TRAF3: variants seen among roughly 807,000 people sequenced by gnomAD.
The protein encoded by TRAF3 is TNF receptor associated factor 3, also known as TNF receptor-associated factor 3.
A neutral mutation model predicts 62.3 loss-of-function variants in TRAF3; 13 were observed. The observed-to-expected ratio is 0.21, with a 90% CI of 0.14 to 0.33. TRAF3 has a LOEUF of 0.33. TRAF3 is among the 10% of genes least tolerant of loss of function. The pLI is 1.00. For missense variants in TRAF3, 440 were observed against 741.8 expected (o/e 0.59, Z 4.73); for synonymous variants, 269 against 283.4 (o/e 0.95, Z 0.51).
chr14:102,899,532 G>A (rs540244731), intron 10 of TRAF3, among the ~76,000 whole-genome samples: 4 of 152,170 alleles, frequency 2.6e-5, no homozygotes, highest in South Asian at 2.1e-4. Context: ...AAGTGGACCC[G>A]CTCATTGTTC....
intron 10 of TRAF3, among the ~76,000 whole-genome samples, chr14:102,900,180 GAAAAAAA>G (rs56203426): frequency 9.8e-5 from 9 of 91,444 alleles, no homozygotes; most frequent in Non-Finnish European, 1.5e-4. Context: ...CTCCGTCTCG[GAAAAAAA>G]AAAAAAAAAA....
intron 9 of TRAF3, 99 bp from the exon 10 acceptor site, chr14:102,897,162 G>T: frequency 9.1e-7 from 1 of 1,099,572 alleles, no homozygotes; most frequent in East Asian, 2.6e-5. Context: ...CTGTCAATAA[G>T]CTAACAGAAG....
chr14:102,828,238 G>A (rs939744579), intron 1 of TRAF3, among the ~76,000 whole-genome samples: 4 of 152,196 alleles, frequency 2.6e-5, no homozygotes, highest in African/African-American at 9.7e-5. Context: ...TCTCTCCAGC[G>A]CTTTTGCTTC....
intron 1 of TRAF3, among the ~76,000 whole-genome samples, chr14:102,810,372 C>G (rs1292915431): frequency 1.3e-5 from 2 of 152,124 alleles, no homozygotes; most frequent in African/African-American, 4.8e-5. Flanking sequence ...ATCATGGCCC[C>G]TTTTACAAGT....
rs1002061951 is a variant in TRAF3, at chr14:102,826,952, A to G, written c.-156-3382A>G. Among the ~76,000 whole-genome samples, 1 of 152,172 alleles carries G rather than the reference A, an allele frequency of 6.6e-6. No individual in the cohort carries two copies. The highest frequency in any genetic ancestry group is 1.5e-5 in the Non-Finnish European group (1 of 68,034). On this transcript the variant is annotated intron_variant, in intron 1 of 11. Coordinates refer to ENST00000392745, the MANE Select transcript of TRAF3 (RefSeq NM_145725.3). The surrounding 1 kb of genome is among the most constrained non-coding windows in gnomAD (Gnocchi z 4.6). ...CAAATGGAGGCCTCAGGTCCCAGACATAGGCTCTGTCAGTGGTGGTGGCGG... is the reference window on the plus strand; with the variant it reads ...CAAATGGAGGCCTCAGGTCCCAGACGTAGGCTCTGTCAGTGGTGGTGGCGG...
chr14:102,798,226 CT>C (rs77441587), intron 1 of TRAF3, among the ~76,000 whole-genome samples: 301 of 144,044 alleles, frequency 2.1e-3, no homozygotes, highest in Non-Finnish European at 2.3e-3. Context: ...TCAGAAAACC[CT>C]TTTTTTTTTT....
intron 7 of TRAF3, among the ~76,000 whole-genome samples, chr14:102,886,773 A>AAAACT (rs1344793871): frequency 2.6e-5 from 4 of 152,212 alleles, no homozygotes; most frequent in Admixed American, 1.3e-4. Flanking sequence ...AAAACAAAAC[A>AAAACT]AAACTACACT....
At chr14:102,873,589 G>A (rs74082938) in intron 4 of TRAF3, among the ~76,000 whole-genome samples, 2,200 of 152,304 alleles carry the variant, frequency 0.014, 33 homozygotes, top group African/African-American at 0.031. Flanking sequence ...CCCTCATGGA[G>A]AGAATGGAGC....
chr14:102,863,543 A>G (rs1174509783), intron 2 of TRAF3, among the ~76,000 whole-genome samples: 1 of 152,212 alleles, frequency 6.6e-6, no homozygotes, highest in East Asian at 1.9e-4. Flanking sequence ...CAGATCCTGA[A>G]GGTCAGCCAG....
At chr14:102,898,860 A>G (rs184096732) in intron 10 of TRAF3, among the ~76,000 whole-genome samples, 1 of 152,342 alleles carries the variant, frequency 6.6e-6, no homozygotes, top group Admixed American at 6.5e-5. Flanking sequence ...CCAATGAAGC[A>G]TAAGTCAGAA....
At chr14:102,778,289 C>T (rs1207344808) in intron 1 of TRAF3, among the ~76,000 whole-genome samples, 1 of 151,846 alleles carries the variant, frequency 6.6e-6, no homozygotes, top group Non-Finnish European at 1.5e-5. Context: ...GCGGGCTCTG[C>T]GTCTTCCCCG....
intron 7 of TRAF3, among the ~76,000 whole-genome samples, chr14:102,888,079 T>C (rs1185748786): frequency 1.3e-5 from 2 of 152,192 alleles, no homozygotes; most frequent in Non-Finnish European, 2.9e-5. Context: ...TCTAGTACAC[T>C]GAAAATAACA....
At chr14:102,784,119 A>G (rs1475009334) in intron 1 of TRAF3, among the ~76,000 whole-genome samples, 1 of 151,970 alleles carries the variant, frequency 6.6e-6, no homozygotes, top group African/African-American at 2.4e-5. Flanking sequence ...AATTCTCCCA[A>G]GGCAAATAAT....
At chr14:102,805,752 C>T (rs1188479089) in intron 1 of TRAF3, among the ~76,000 whole-genome samples, 1 of 152,126 alleles carries the variant, frequency 6.6e-6, no homozygotes, top group Non-Finnish European at 1.5e-5. Flanking sequence ...GCAGTCCTTC[C>T]GAAGATTGTC....
At chr14:102,825,607 C>T (rs1049012072) in intron 1 of TRAF3, among the ~76,000 whole-genome samples, 2 of 152,246 alleles carry the variant, frequency 1.3e-5, no homozygotes, top group East Asian at 1.9e-4. Flanking sequence ...ACTCAGGCTA[C>T]GCTTGGGCTT....
Position 102,857,814 on chromosome 14 carries a change from C to T in TRAF3, c.-17-12371C>T, listed in dbSNP as rs141430283. ...TAGTTTCTCTAATTGTGTCCTGTTG[C>T]AAAAGAAAACAGATTCTTATTGCAC... On this transcript the variant is annotated intron_variant, in intron 2 of 11. Coordinates refer to ENST00000392745, the MANE Select transcript of TRAF3 (RefSeq NM_145725.3). 3.6e-3 allele frequency among the ~76,000 whole-genome samples: 552 copies of T among 152,266 alleles called. 7 individuals are homozygous for T. The highest frequency in any genetic ancestry group is 0.013 in the African/African-American group (520 of 41,554).
At chr14:102,894,810 C>CAGTAGCTGGG (rs1889915171) in intron 9 of TRAF3, among the ~76,000 whole-genome samples, 1 of 152,234 alleles carries the variant, frequency 6.6e-6, no homozygotes, top group African/African-American at 2.4e-5. Context: ...CAAGTGATCC[C>CAGTAGCTGGG]ATCCAGCCTC....
chr14:102,828,319 C>CG (rs1465414094), intron 1 of TRAF3, among the ~76,000 whole-genome samples: 1 of 152,220 alleles, frequency 6.6e-6, no homozygotes, highest in South Asian at 2.1e-4. Context: ...GGAAACAACT[C>CG]GTGGTGAAGC....
At chr14:102,824,691 C>T (rs745806631) in intron 1 of TRAF3, among the ~76,000 whole-genome samples, 6 of 152,160 alleles carry the variant, frequency 3.9e-5, no homozygotes, top group Admixed American at 2.0e-4. Context: ...CATGTAAATG[C>T]GCGTTAATGA....
Sources: allele counts gnomAD v4.1 joint callset (sites outside exome capture counted in the v4.1 genomes callset), GRCh38; gene constraint gnomAD v4.1.1; non-coding constraint Gnocchi (gnomAD v3.1); transcripts MANE v1.5; gene names NCBI Gene and HGNC (gene_info 2026-07-23, HGNC 2026-07-21).